The following ANO6 variants were observed in gnomAD, a reference collection of about 807,000 sequenced individuals.
ANO6 encodes anoctamin-6.
Under a neutral mutation model 117.5 loss-of-function variants are expected in ANO6, and 106 were observed. The observed-to-expected ratio is 0.90, with a 90% CI of 0.77 to 1.06. The LOEUF (loss-of-function observed/expected upper bound fraction) is 1.06. ANO6 is among the 50% of genes least tolerant of loss of function. The pLI is 0.00. For missense variants in ANO6, 955 were observed against 1,121.1 expected (o/e 0.85, Z 2.12); for synonymous variants, 367 against 385.1 (o/e 0.95, Z 0.55).
At chr12:45,389,263 G>A (rs528799945) in intron 11 of ANO6, among the ~76,000 whole-genome samples, 3 of 152,244 alleles carry the variant, frequency 2.0e-5, no homozygotes, top group East Asian at 1.9e-4. Flanking sequence ...TTTGTCTTTC[G>A]CAATGTAAAA....
chr12:45,285,814 T>C (rs1428338816), intron 1 of ANO6, among the ~76,000 whole-genome samples: 1 of 150,986 alleles, frequency 6.6e-6, no homozygotes, highest in Non-Finnish European at 1.5e-5. Context: ...GGAGAGGAGG[T>C]CATTGTGAGT....
At chr12:45,385,834 G>A (rs1329315479) in intron 10 of ANO6, among the ~76,000 whole-genome samples, 3 of 152,148 alleles carry the variant, frequency 2.0e-5, no homozygotes, top group Non-Finnish European at 4.4e-5. Context: ...CTAACTTACT[G>A]GAAAAGTAGT....
At chr12:45,296,559 T>C (rs1939300822) in intron 1 of ANO6, among the ~76,000 whole-genome samples, 1 of 152,232 alleles carries the variant, frequency 6.6e-6, no homozygotes, top group Non-Finnish European at 1.5e-5. Flanking sequence ...TAGTCTGTTA[T>C]ATCTCTATCT....
chr12:45,421,476 A>G (rs947921939), intron 18 of ANO6, among the ~76,000 whole-genome samples: 2 of 152,232 alleles, frequency 1.3e-5, no homozygotes, highest in African/African-American at 4.8e-5. Context: ...CAGAAAATGT[A>G]TATATATGTA....
At chr12:45,365,711 C>T (rs1408799988) in intron 8 of ANO6, among the ~76,000 whole-genome samples, 1 of 152,106 alleles carries the variant, frequency 6.6e-6, no homozygotes, top group Non-Finnish European at 1.5e-5. Context: ...TACCATGAAG[C>T]TAGGGAGATG....
At chr12:45,346,003 C>G (rs2137441913) in intron 3 of ANO6, among the ~76,000 whole-genome samples, 1 of 133,962 alleles carries the variant, frequency 7.5e-6, no homozygotes, top group African/African-American at 2.9e-5. Flanking sequence ...GGGTTAGAAA[C>G]AAAAGGGGGC....
chr12:45,240,219 C>G (rs916657149), intron 1 of ANO6, among the ~76,000 whole-genome samples: 6 of 151,918 alleles, frequency 3.9e-5, no homozygotes, highest in Admixed American at 3.9e-4. Context: ...GTATTGGGTG[C>G]GTATATATTT....
At chr12:45,329,401 A>G (rs2137394953) in intron 2 of ANO6, among the ~76,000 whole-genome samples, 1 of 152,254 alleles carries the variant, frequency 6.6e-6, no homozygotes, top group South Asian at 2.1e-4. Flanking sequence ...CTTATTACAC[A>G]CAGGCAAATG....
chr12:45,370,261 A>G (rs1018968102), intron 9 of ANO6, among the ~76,000 whole-genome samples: 2 of 152,244 alleles, frequency 1.3e-5, no homozygotes, highest in African/African-American at 4.8e-5. Context: ...TTCTTTCTCA[A>G]GCGTCCAGGA....
intron 2 of ANO6, among the ~76,000 whole-genome samples, chr12:45,325,802 C>A (rs2137383210): frequency 6.6e-6 from 1 of 152,164 alleles, no homozygotes; most frequent in South Asian, 2.1e-4. Context: ...TATATTTAGT[C>A]ATGCTAATGA....
chr12:45,323,162 C>T (rs757142029), intron 2 of ANO6, among the ~76,000 whole-genome samples: 7 of 152,142 alleles, frequency 4.6e-5, no homozygotes, highest in South Asian at 2.1e-4. Flanking sequence ...ACAATTTAAT[C>T]GCTCTTAACA....
intron 1 of ANO6, among the ~76,000 whole-genome samples, chr12:45,254,924 A>G (rs1263896591): frequency 6.6e-6 from 1 of 152,234 alleles, no homozygotes; most frequent in African/African-American, 2.4e-5. Context: ...ACATTTTTAA[A>G]TAACCCTCAT....
At chr12:45,423,204 T>A in intron 19 of ANO6, 142 bp downstream of exon 19, 5 of 718,580 alleles carry the variant, frequency 7.0e-6, no homozygotes, top group Non-Finnish European at 9.9e-6. Flanking sequence ...TTAATCAGTA[T>A]TGACCTGAAA....
chr12:45,232,439 G>A (rs1252997583), intron 1 of ANO6, among the ~76,000 whole-genome samples: 1 of 152,204 alleles, frequency 6.6e-6, no homozygotes, highest in Non-Finnish European at 1.5e-5. Flanking sequence ...CAGGATAGCT[G>A]AGAACAGAAC....
Position 45,302,841 on chromosome 12 carries a change from C to T in ANO6, c.150+748C>T, listed in dbSNP as rs560546520. On this transcript the variant is annotated intron_variant, in intron 2 of 19. Transcript: ENST00000320560. Reference sequence around the variant, plus strand: ...TATTGCACCAGATATGTAGGAAAAACATGCCAGGATCCACTTACATTTCCT... The same window carrying T: ...TATTGCACCAGATATGTAGGAAAAATATGCCAGGATCCACTTACATTTCCT... 8.5e-5 allele frequency among the ~76,000 whole-genome samples: 13 copies of T among 152,254 alleles called. No individual in the cohort carries two copies. The South Asian group carries it at 2.7e-3, about 32-fold the overall frequency.
intron 2 of ANO6, among the ~76,000 whole-genome samples, chr12:45,322,193 C>T (rs935736800): frequency 8.6e-5 from 13 of 151,766 alleles, no homozygotes; most frequent in Admixed American, 4.6e-4. Context: ...GAGGGTGATA[C>T]GAGAAGAGAG....
chr12:45,373,865 G>A (rs1941921215), intron 9 of ANO6, among the ~76,000 whole-genome samples: 1 of 152,058 alleles, frequency 6.6e-6, no homozygotes, highest in South Asian at 2.1e-4. Context: ...TAAAATCAGA[G>A]CAGAACTGAA....
intron 18 of ANO6, 137 bp downstream of exon 18, chr12:45,421,410 T>C (rs1943361722): frequency 1.1e-6 from 1 of 917,718 alleles, no homozygotes; most frequent in Non-Finnish European, 1.7e-6. Flanking sequence ...TTTGGTGTCA[T>C]TTAAATCAAG....
intron 7 of ANO6, 73 bp downstream of exon 7, chr12:45,350,847 T>C (rs1941262412): frequency 2.4e-6 from 3 of 1,268,986 alleles, no homozygotes; most frequent in Non-Finnish European, 2.3e-6. Context: ...AATGTGACAG[T>C]ACTCATCAAG....
Sources: gnomAD v4.1 joint callset for allele counts (sites outside exome capture counted in the v4.1 genomes callset) on GRCh38, gnomAD v4.1.1 for gene constraint, MANE v1.5 for transcripts, NCBI Gene and HGNC (gene_info 2026-07-23, HGNC 2026-07-21) for gene names.